The following IARS1 variants were observed in gnomAD, a reference collection of about 807,000 sequenced individuals.
The protein encoded by IARS1 is isoleucine--tRNA ligase, cytoplasmic.
A neutral mutation model predicts 168.2 loss-of-function variants in IARS1; 124 were observed. The observed-to-expected ratio is 0.74, with a 90% CI of 0.64 to 0.86. The LOEUF (loss-of-function observed/expected upper bound fraction) is 0.86. Among genes scored for constraint, IARS1 ranks in the 40% least tolerant of loss-of-function variants. IARS1 has a pLI of 0.00. For missense variants in IARS1, 1,452 were observed against 1,515.8 expected (o/e 0.96, Z 0.70); for synonymous variants, 532 against 529.4 (o/e 1.00, Z -0.07).
chr9:92,233,188 C>G (rs892855884), intron 30 of IARS1, among the ~76,000 whole-genome samples: 37 of 152,200 alleles, frequency 2.4e-4, no homozygotes, highest in Admixed American at 2.2e-3. Flanking sequence ...ATAATGTGTT[C>G]CAGAAATTGT....
chr9:92,282,860 A>ATATATTTT (rs1230782830), intron 6 of IARS1, among the ~76,000 whole-genome samples: 56 of 132,848 alleles, frequency 4.2e-4, no homozygotes, highest in African/African-American at 1.2e-3. Flanking sequence ...ATATATATAT[A>ATATATTTT]TTTTTTTTTT....
intron 30 of IARS1, among the ~76,000 whole-genome samples, chr9:92,234,728 T>C (rs1425167079): frequency 1.3e-5 from 2 of 152,168 alleles, no homozygotes; most frequent in African/African-American, 2.4e-5. Flanking sequence ...CAGGGAACCA[T>C]GTACTGTCTG....
intron 13 of IARS1, among the ~76,000 whole-genome samples, chr9:92,269,635 T>C (rs192342842): frequency 6.6e-6 from 1 of 152,354 alleles, no homozygotes; most frequent in African/African-American, 2.4e-5. Context: ...GAATAAATGG[T>C]GGTTTATCAT....
intron 1 of IARS1, among the ~76,000 whole-genome samples, chr9:92,292,016 CT>C (rs35644715): frequency 0.45 from 56,513 of 126,756 alleles, 13,213 homozygotes; most frequent in African/African-American, 0.71. Flanking sequence ...AGGATCATTC[CT>C]TTTTTTTTTT....
chr9:92,227,880 C>T (rs183119992), intron 31 of IARS1, among the ~76,000 whole-genome samples: 5 of 152,010 alleles, frequency 3.3e-5, no homozygotes, highest in Admixed American at 1.3e-4. Flanking sequence ...GGGCTCCTCA[C>T]ATCCCAGACG....
intron 1 of IARS1, among the ~76,000 whole-genome samples, chr9:92,291,159 A>G (rs1836263329): frequency 6.6e-6 from 1 of 152,098 alleles, no homozygotes; most frequent in Admixed American, 6.6e-5. Flanking sequence ...TTCCTTCTCA[A>G]AGTCTATTTA....
Position 92,288,271 on chromosome 9 carries a change from T to C in IARS1, c.131A>G (p.Tyr44Cys), listed in dbSNP as rs1835767258. Residue 44 changes from tyrosine (Y) to cysteine (C), a missense_variant, in exon 3 of 34, where the codon TAT becomes TGT. Physicochemically the swap from Tyr to Cys is radical, Grantham distance 194 (BLOSUM62 -2). Coordinates refer to ENST00000443024, the MANE Select transcript of IARS1 (RefSeq NM_002161.6). ...TCCAGTTGCAAAAGGAGGACCATCATAGAAGGTAAATCTAACAGGTAATAA... is the reference window on the plus strand; with the variant it reads ...TCCAGTTGCAAAAGGAGGACCATCACAGAAGGTAAATCTAACAGGTAATAA... Reference protein sequence around the residue: ...QSKHKPKFTFYDGPPFATGLP... With the variant: ...QSKHKPKFTFCDGPPFATGLP... The C allele has an allele frequency of 6.2e-6, 10 of 1,613,998 alleles. No homozygotes were observed. The highest frequency in any genetic ancestry group is 3.3e-5 in the South Asian group (3 of 91,040).
intron 20 of IARS1, chr9:92,253,974 G>A: frequency 2.3e-6 from 1 of 436,102 alleles, no homozygotes; most frequent in South Asian, 1.7e-5. Flanking sequence ...CATTTTGCTT[G>A]TCACAACTTG....
chr9:92,216,076 G>A (rs977963349), intron 33 of IARS1, among the ~76,000 whole-genome samples: 11 of 151,318 alleles, frequency 7.3e-5, no homozygotes, highest in East Asian at 3.9e-4. Context: ...CAGATCTCTC[G>A]GCAGAAACCC....
chr9:92,280,941 G>A (rs751644272), intron 6 of IARS1, 48 bp from the exon 7 acceptor site: 2 of 1,381,750 alleles, frequency 1.4e-6, no homozygotes, highest in Non-Finnish European at 1.0e-6. Flanking sequence ...CACAATAACA[G>A]ACACCTAAGA....
chr9:92,228,271 G>A (rs1248906434), intron 31 of IARS1, among the ~76,000 whole-genome samples: 2 of 152,216 alleles, frequency 1.3e-5, no homozygotes, highest in Non-Finnish European at 2.9e-5. Flanking sequence ...AGAGATACAA[G>A]GGGTTAGGAC....
At chr9:92,234,835 G>C (rs528264065) in intron 30 of IARS1, among the ~76,000 whole-genome samples, 1 of 152,068 alleles carries the variant, frequency 6.6e-6, no homozygotes, top group East Asian at 1.9e-4. Context: ...CTTAAAACCA[G>C]GCAATATGAG....
At position 92,261,905 on chromosome 9, in the gene IARS1, T is replaced by C. The variant is rs113164392; in HGVS notation, c.1787+1064A>G. 4.5e-3 allele frequency among the ~76,000 whole-genome samples: 689 copies of C among 152,072 alleles called. 6 individuals carry two copies. The highest frequency in any genetic ancestry group is 0.016 in the African/African-American group (647 of 41,488). On this transcript the variant is annotated intron_variant, in intron 17 of 33. Transcript: ENST00000443024. ...AGCTGGGGTTACAGGTGTGTGCCAC[T>C]GCACCCACTAATTTTGTATTTTTAG...
rs1017049996 is a variant in IARS1 at position 92,292,237 on chromosome 9, C to T, written c.-8+1374G>A. Among the ~76,000 whole-genome samples, 4 of 145,222 alleles carry T rather than the reference C, an allele frequency of 2.8e-5. No homozygotes were observed. In the Admixed American group the frequency reaches 2.8e-4, roughly 10 times the overall value. On this transcript the variant is annotated intron_variant, in intron 1 of 33. Coordinates refer to ENST00000443024, the MANE Select transcript of IARS1 (RefSeq NM_002161.6). ...GGTGGTTTGTAGAGACAGGGTTTTG[C>T]CATGTTGCCCTGGCTGGTCTTCAAC...
intron 33 of IARS1, among the ~76,000 whole-genome samples, chr9:92,215,459 C>T (rs1019821659): frequency 1.3e-3 from 196 of 150,242 alleles, no homozygotes; most frequent in Middle Eastern, 6.8e-3. Flanking sequence ...GGGCTTCAGA[C>T]GATCAAATTA....
At chr9:92,220,531 C>T (rs931743549) in intron 33 of IARS1, among the ~76,000 whole-genome samples, 2 of 152,064 alleles carry the variant, frequency 1.3e-5, no homozygotes, top group African/African-American at 4.8e-5. Context: ...GCAGGAGAAT[C>T]GCTTGAACCC....
rs1002237070 is a variant in IARS1, at chr9:92,237,831, T to G, written c.3283+3025A>C. 3.9e-5 allele frequency among the ~76,000 whole-genome samples: 6 copies of G among 152,332 alleles called. No individual in the cohort carries two copies. The South Asian group carries it at 8.3e-4, about 21-fold the overall frequency. On this transcript the variant is annotated intron_variant, in intron 30 of 33. Coordinates refer to ENST00000443024, the MANE Select transcript of IARS1 (RefSeq NM_002161.6). The stretch of plus-strand genomic sequence containing the variant: ...CCCTTTTACTTTCAACTCACCTGTA[T>G]CATTATATTAGAAGTTTGTTATAGA...
chr9:92,262,275 G>T (rs1831633731), intron 17 of IARS1, among the ~76,000 whole-genome samples: 2 of 151,922 alleles, frequency 1.3e-5, no homozygotes, highest in South Asian at 4.2e-4. Context: ...CACACAGTGG[G>T]GCCTGGCAAA....
In IARS1 at chr9:92,222,540, AG is replaced by A; in HGVS notation, c.3685del (p.Leu1229Ter). The A allele has an allele frequency of 6.2e-7, 1 of 1,614,064 alleles. No homozygotes were observed. The highest frequency in any genetic ancestry group is 1.1e-5 in the South Asian group (1 of 91,068). ...GLRSRKLKLF[L>X]NETQTQEITE... ...CTTACCCTGCGTTTGGGTCTCATTCAGAAACAGCTTTAGCTTCCTGCTCCGA... is the reference window on the plus strand; with the variant it reads ...CTTACCCTGCGTTTGGGTCTCATTCAAAACAGCTTTAGCTTCCTGCTCCGA... On this transcript the variant is annotated frameshift_variant, in exon 33 of 34. Transcript: ENST00000443024. LOFTEE classifies it high-confidence loss of function.
Sources: allele counts gnomAD v4.1 joint callset (sites outside exome capture counted in the v4.1 genomes callset), GRCh38; gene constraint gnomAD v4.1.1; transcripts MANE v1.5; gene names NCBI Gene and HGNC (gene_info 2026-07-23, HGNC 2026-07-21).